Variants in PDE1C observed in about 807,000 individuals in gnomAD.
PDE1C encodes the protein dual specificity calcium/calmodulin-dependent 3',5'-cyclic nucleotide phosphodiesterase 1C.
A neutral mutation model predicts 93.1 loss-of-function variants in PDE1C; 62 were observed. The observed-to-expected ratio is 0.67, with a 90% confidence interval of 0.54 to 0.82. The LOEUF (loss-of-function observed/expected upper bound fraction) is 0.82, where lower values mean the gene tolerates loss of function less well. PDE1C is among the 40% of genes least tolerant of loss of function. The pLI is 0.00. For synonymous variants in PDE1C, 325 were observed against 310.1 expected (o/e 1.05, Z -0.50); for missense variants, 742 against 884.6 (o/e 0.84, Z 2.04).
chr7:31,643,720 T>C, the PDE1C span: 1 of 1,614,016 alleles, frequency 6.2e-7, no homozygotes. Flanking sequence ...CAAATCCGTC[T>C]CTCTAGACTC....
At chr7:32,258,284 C>T (rs778420169) in intron 1 of PDE1C, among the ~76,000 whole-genome samples, 5 of 152,154 alleles carry the variant, frequency 3.3e-5, no homozygotes, top group Non-Finnish European at 7.4e-5. Context: ...ACCTACTTCT[C>T]GGAATTAACT....
chr7:32,339,268 G>A (rs1783696996), intron 1 of PDE1C, among the ~76,000 whole-genome samples: 1 of 152,176 alleles, frequency 6.6e-6, no homozygotes, highest in South Asian at 2.1e-4. Context: ...AGTCATAATA[G>A]GACAAATACT....
chr7:32,082,176 G>A (rs954655823), intron 3 of PDE1C, among the ~76,000 whole-genome samples: 8 of 151,948 alleles, frequency 5.3e-5, no homozygotes, highest in East Asian at 1.9e-4. Flanking sequence ...GCGCTTTTCC[G>A]ACGGGCTTAA....
chr7:32,218,221 CT>C (rs1806570857), intron 1 of PDE1C, among the ~76,000 whole-genome samples: 1 of 152,264 alleles, frequency 6.6e-6, no homozygotes, highest in Non-Finnish European at 1.5e-5. Context: ...CACTCTGTTC[CT>C]TTCCCACTTC....
At chr7:32,195,311 C>T (rs1804535360) in intron 2 of PDE1C, among the ~76,000 whole-genome samples, 1 of 152,104 alleles carries the variant, frequency 6.6e-6, no homozygotes, top group Admixed American at 6.5e-5. Flanking sequence ...TAGAGTAGGC[C>T]TGCTGGCAAC....
intron 2 of PDE1C, among the ~76,000 whole-genome samples, chr7:32,045,307 T>C (rs181810071): frequency 2.1e-4 from 32 of 152,158 alleles, no homozygotes; most frequent in Middle Eastern, 3.4e-3. Flanking sequence ...AGCATCCATC[T>C]GTGACTGGGG....
intron 1 of PDE1C, among the ~76,000 whole-genome samples, chr7:32,251,441 G>A (rs574053278): frequency 5.5e-4 from 84 of 152,084 alleles, no homozygotes; most frequent in South Asian, 8.3e-4. Flanking sequence ...CTTTTCCCTC[G>A]CCTTCCAAAT....
intron 17 of PDE1C, among the ~76,000 whole-genome samples, chr7:31,773,864 T>TA: frequency 6.6e-6 from 1 of 152,154 alleles, no homozygotes; most frequent in East Asian, 1.9e-4. Context: ...CAACAGGACT[T>TA]AGAAGCAAAC....
Position 31,890,577 on chromosome 7 carries a change from A to G in PDE1C, c.129-9717T>C, listed in dbSNP as rs143898408. ...ACCTCAATTGCATCATGTTGGTATG[A>G]TTATCCAGAGGAGCTAAAGCTCCCT... On this transcript the variant is annotated intron_variant, in intron 2 of 17. Transcript: ENST00000396191. 4.3e-3 allele frequency among the ~76,000 whole-genome samples: 659 copies of G among 152,270 alleles called. 3 individuals are homozygous for G. Among genetic ancestry groups the G allele is most frequent in the African/African-American group, 0.015 (611 of 41,542 alleles).
chr7:31,969,493 C>G (rs1279289462), intron 2 of PDE1C, among the ~76,000 whole-genome samples: 1 of 152,130 alleles, frequency 6.6e-6, no homozygotes, highest in Admixed American at 6.5e-5. Context: ...CAGGAAACAA[C>G]AGGTGCTGGA....
exon 1 of PDE1C, chr7:32,298,651 C>T (rs1273227351): frequency 1.9e-6 from 3 of 1,604,148 alleles, no homozygotes; most frequent in South Asian, 2.2e-5. Flanking sequence ...AAGTTCTCAC[C>T]TATGGTGAAG....
At chr7:31,862,345 C>A (rs1406884960) in intron 7 of PDE1C, among the ~76,000 whole-genome samples, 1 of 142,384 alleles carries the variant, frequency 7.0e-6, no homozygotes, top group Non-Finnish European at 1.6e-5. Context: ...TTATCTTAGT[C>A]CATTTGGGTA....
the PDE1C span, among the ~76,000 whole-genome samples, chr7:31,639,760 A>AG: frequency 6.7e-6 from 1 of 148,786 alleles, no homozygotes; most frequent in Non-Finnish European, 1.5e-5. Flanking sequence ...CTCGTCTTGA[A>AG]CTCCTGACCT....
intron 2 of PDE1C, among the ~76,000 whole-genome samples, chr7:31,957,813 A>G (rs1432079507): frequency 6.6e-6 from 1 of 152,076 alleles, no homozygotes; most frequent in Non-Finnish European, 1.5e-5. Context: ...CAGGTAGAAA[A>G]TATCATCTGT....
At chr7:32,107,481 T>C (rs985661306) in intron 3 of PDE1C, among the ~76,000 whole-genome samples, 1 of 151,990 alleles carries the variant, frequency 6.6e-6, no homozygotes, top group Non-Finnish European at 1.5e-5. Flanking sequence ...GAAAGAAAAG[T>C]AAAATGTTTA....
chr7:32,122,945 A>G (rs1799378045), intron 3 of PDE1C, among the ~76,000 whole-genome samples: 1 of 152,144 alleles, frequency 6.6e-6, no homozygotes, highest in African/African-American at 2.4e-5. Flanking sequence ...TAAGAAATTA[A>G]CAAAATAGAT....
chr7:32,249,607 G>A (rs1027027547), intron 1 of PDE1C, among the ~76,000 whole-genome samples: 19 of 152,128 alleles, frequency 1.2e-4, no homozygotes, highest in Non-Finnish European at 1.9e-4. Context: ...CCACACTGGC[G>A]ACTATTTTTG....
intron 1 of PDE1C, among the ~76,000 whole-genome samples, chr7:32,346,479 T>C (rs1025736158): frequency 6.6e-6 from 1 of 152,230 alleles, no homozygotes. Context: ...GGGACATGTG[T>C]GCATGGTGAG....
intron 2 of PDE1C, among the ~76,000 whole-genome samples, chr7:31,928,600 C>G (rs1803718964): frequency 6.6e-6 from 1 of 152,168 alleles, no homozygotes; most frequent in Admixed American, 6.5e-5. Context: ...AGAAACCCTA[C>G]AACCCAGAAG....
Sources: gnomAD v4.1 joint callset for allele counts (sites outside exome capture counted in the v4.1 genomes callset) on GRCh38, gnomAD v4.1.1 for gene constraint, MANE v1.5 for transcripts, NCBI Gene and HGNC (gene_info 2026-07-23, HGNC 2026-07-21) for gene names.